The following FHL2 variants were observed in gnomAD, a reference collection of about 807,000 sequenced individuals.
FHL2 encodes four and a half LIM domains protein 2.
FHL2 carries 20 observed loss-of-function variants against 32.7 expected under a neutral mutation model. The ratio of observed to expected loss-of-function variants is 0.61; its 90% CI spans 0.43 to 0.89. The LOEUF (loss-of-function observed/expected upper bound fraction) is 0.89, where lower values mean the gene tolerates loss of function less well. Among genes scored for constraint, FHL2 ranks in the 40% least tolerant of loss-of-function variants. The pLI is 0.00. For synonymous variants in FHL2, 123 were observed against 128.1 expected, an observed-to-expected ratio of 0.96 and a Z score of 0.27; for missense variants, 311 against 358.6, an observed-to-expected ratio of 0.87 and a Z score of 1.07.
At chr2:105,381,435 C>T (rs541458765) in intron 3 of FHL2, among the ~76,000 whole-genome samples, 1 of 152,272 alleles carries the variant, frequency 6.6e-6, no homozygotes, top group South Asian at 2.1e-4. Context: ...GGTGGCAGGA[C>T]TTGTCCCCTT....
upstream of FHL2, chr2:105,399,195 C>T (rs1161816054): frequency 2.8e-6 from 4 of 1,436,322 alleles, no homozygotes; most frequent in African/African-American, 3.0e-5. Flanking sequence ...TGCCCCCGCC[C>T]CGGGCTGCGG....
chr2:105,368,144 T>C (rs1330729497), intron 4 of FHL2, among the ~76,000 whole-genome samples: 3 of 152,130 alleles, frequency 2.0e-5, no homozygotes, highest in African/African-American at 7.2e-5. Context: ...GCACACCTGA[T>C]AATGAACACC....
chr2:105,372,116 T>C (rs1419986879), intron 4 of FHL2, among the ~76,000 whole-genome samples: 3 of 152,246 alleles, frequency 2.0e-5, no homozygotes, highest in Non-Finnish European at 2.9e-5. Context: ...GTGTCACAGT[T>C]GTTTTAAAGT....
chr2:105,426,745 G>T (rs566130803), intron 1 of FHL2, among the ~76,000 whole-genome samples: 1 of 152,188 alleles, frequency 6.6e-6, no homozygotes, highest in African/African-American at 2.4e-5. Flanking sequence ...GAGAACACAC[G>T]CACAGCAACA....
chr2:105,436,226 T>A (rs1684606025), intron 1 of FHL2, among the ~76,000 whole-genome samples: 1 of 152,132 alleles, frequency 6.6e-6, no homozygotes, highest in Non-Finnish European at 1.5e-5. Context: ...CCAGATTTTG[T>A]GGGGTGTGGA....
chr2:105,412,417 G>A (rs1683820282), intron 1 of FHL2, among the ~76,000 whole-genome samples: 1 of 152,218 alleles, frequency 6.6e-6, no homozygotes, highest in African/African-American at 2.4e-5. Context: ...GGTGGAGGAT[G>A]AATTCAATTT....
chr2:105,418,440 A>C (rs1177283795), intron 1 of FHL2, among the ~76,000 whole-genome samples: 2 of 152,172 alleles, frequency 1.3e-5, no homozygotes, highest in African/African-American at 2.4e-5. Context: ...ACAAAAAAAA[A>C]ACAAAAAACC....
chr2:105,371,083 C>T (rs1681028959), intron 4 of FHL2, among the ~76,000 whole-genome samples: 1 of 152,110 alleles, frequency 6.6e-6, no homozygotes. Context: ...GTTTTTACTT[C>T]TTATCTGATC....
At chr2:105,395,767 G>A (rs776348841) in intron 2 of FHL2, among the ~76,000 whole-genome samples, 3 of 152,186 alleles carry the variant, frequency 2.0e-5, no homozygotes, top group Non-Finnish European at 4.4e-5. Context: ...CATGAAAACA[G>A]GGCAGCTGCT....
Position 105,361,209 on chromosome 2 carries a change from A to G in FHL2, c.*74T>C. 1.3e-6 allele frequency: 2 copies of G among 1,488,598 alleles called. No homozygotes were observed. Among genetic ancestry groups the G allele is most frequent in the Non-Finnish European group, 1.8e-6 (2 of 1,090,280 alleles). 92.2% of individuals were successfully genotyped at this position (1,488,598 alleles called of 1,614,324 possible). On this transcript the variant is annotated 3_prime_UTR_variant, in exon 7 of 7. Transcript: ENST00000530340. The stretch of plus-strand genomic sequence containing the variant: ...TGTGGCTGGAAGAAACCAGAAGGCA[A>G]GATTGCCTGGGTGAGAAAGAAAACA...
chr2:105,399,047 C>A lies in FHL2; in HGVS notation c.-281G>T. On this transcript the variant is annotated 5_prime_UTR_variant, in exon 1 of 7. Coordinates refer to ENST00000530340, the MANE Select transcript of FHL2 (RefSeq NM_001318895.3). ...TGGTGGCTGCGGCTCCGCTGCCGGC[C>A]GAGTGGAGCGCTGCGCAGCTCCCGC... is the stretch of plus-strand genomic sequence containing the variant. The A allele has an allele frequency of 6.7e-7, 1 of 1,496,164 alleles. No individual in the cohort carries two copies. 92.7% of individuals were successfully genotyped at this position (1,496,164 alleles called of 1,614,324 possible). A position where few individuals can be genotyped will look rare whatever the true frequency, so the allele number is the denominator to read the frequency against.
chr2:105,411,550 T>G (rs1308549991), intron 1 of FHL2, among the ~76,000 whole-genome samples: 7 of 148,192 alleles, frequency 4.7e-5, no homozygotes, highest in African/African-American at 1.0e-4. Flanking sequence ...TTTTTTTTTT[T>G]TTTTTTTTTT....
At chr2:105,374,025 C>T in intron 3 of FHL2, 1 of 422,176 alleles carries the variant, frequency 2.4e-6, no homozygotes, top group Non-Finnish European at 4.4e-6. Flanking sequence ...TTATGTATTG[C>T]CTGCAAGAAA....
intron 4 of FHL2, among the ~76,000 whole-genome samples, chr2:105,371,406 T>G (rs1681052482): frequency 1.3e-5 from 2 of 152,138 alleles, no homozygotes; most frequent in South Asian, 4.1e-4. Context: ...TGCCTGAGTT[T>G]CCAGCCTGCC....
intron 1 of FHL2, among the ~76,000 whole-genome samples, chr2:105,424,689 A>G (rs913445870): frequency 6.6e-6 from 1 of 152,234 alleles, no homozygotes; most frequent in Non-Finnish European, 1.5e-5. Flanking sequence ...ATGGAATACT[A>G]TGCAGCCATA....
At chr2:105,410,394 C>A (rs1683756227) in intron 1 of FHL2, among the ~76,000 whole-genome samples, 1 of 152,144 alleles carries the variant, frequency 6.6e-6, no homozygotes, top group African/African-American at 2.4e-5. Context: ...GGGTCCATGA[C>A]CATTCTATTG....
At position 105,380,520 on chromosome 2, in the gene FHL2, C is replaced by T. The variant is rs116906497; in HGVS notation, c.156+5841G>A. On this transcript the variant is annotated intron_variant, in intron 3 of 6. Coordinates refer to ENST00000530340, the MANE Select transcript of FHL2 (RefSeq NM_001318895.3). ...CTGGAATTACAGGCATGAGCCACCA[C>T]GCCCGGCTCAAGTGACTCTTTCCAA... is the stretch of plus-strand genomic sequence containing the variant. Among the ~76,000 whole-genome samples, 491 of 152,294 alleles carry T rather than the reference C, an allele frequency of 3.2e-3. 3 individuals carry two copies. The East Asian group carries it at 0.033, about 10-fold the overall frequency.
rs1285194840 is a variant in FHL2, at chr2:105,386,529, C to T, written c.-13G>A. On this transcript the variant is annotated 5_prime_UTR_variant, in exon 3 of 7. Coordinates refer to ENST00000530340, the MANE Select transcript of FHL2 (RefSeq NM_001318895.3). Reference sequence around the variant, plus strand: ...AGCGCTCAGTCATTTTGACTCCTGGCTTTTCAGCAACCTATCAAAAAGAAA... The same window carrying T: ...AGCGCTCAGTCATTTTGACTCCTGGTTTTTCAGCAACCTATCAAAAAGAAA... 2.5e-6 allele frequency: 4 copies of T among 1,613,994 alleles called. No homozygotes were observed.
At chr2:105,369,246 A>G (rs1352198784) in intron 4 of FHL2, among the ~76,000 whole-genome samples, 1 of 152,258 alleles carries the variant, frequency 6.6e-6, no homozygotes, top group Admixed American at 6.5e-5. Flanking sequence ...AGGTGGAAGC[A>G]GCTGCAGTAA....
Sources: gnomAD v4.1 joint callset for allele counts (sites outside exome capture counted in the v4.1 genomes callset) on GRCh38, gnomAD v4.1.1 for gene constraint, MANE v1.5 for transcripts, NCBI Gene and HGNC (gene_info 2026-07-23, HGNC 2026-07-21) for gene names.